Variants in SYT9 observed in about 807,000 individuals in gnomAD.
SYT9 encodes the protein synaptotagmin 9, also known as synaptotagmin-9.
A neutral mutation model predicts 48.4 loss-of-function variants in SYT9; 22 were observed. The ratio of observed to expected loss-of-function variants is 0.45; its 90% CI spans 0.32 to 0.65. The LOEUF (loss-of-function observed/expected upper bound fraction) is 0.65, where lower values mean the gene tolerates loss of function less well. SYT9 is among the 30% of genes least tolerant of loss of function. The pLI is 0.03. For synonymous variants in SYT9, 265 were observed against 245.0 expected (o/e 1.08, Z -0.76); for missense variants, 577 against 622.0 (o/e 0.93, Z 0.77).
chr11:7,252,440 G>T lies in SYT9; in HGVS notation c.145+109G>T. On this transcript the variant is annotated intron_variant, in intron 1 of 6. Coordinates refer to ENST00000318881, the MANE Select transcript of SYT9 (RefSeq NM_175733.4). This position sits in a 1 kb window ranked among gnomAD's most constrained non-coding sequence, Gnocchi z 6.3. ...CGACGCGGACTGGGAGAGGGCGGGG[G>T]GCGGCCACCGAGCCAGGAGAGTGAT... 8.2e-7 allele frequency: 1 copy of T among 1,214,894 alleles called. No individual in the cohort carries two copies. Among genetic ancestry groups the T allele is most frequent in the East Asian group, 3.2e-5 (1 of 31,432 alleles). 75.3% of individuals were successfully genotyped at this position (1,214,894 alleles called of 1,614,324 possible). A position where few individuals can be genotyped will look rare whatever the true frequency, so the allele number is the denominator to read the frequency against.
At chr11:7,268,406 G>C (rs752886802) in intron 1 of SYT9, among the ~76,000 whole-genome samples, 1 of 151,840 alleles carries the variant, frequency 6.6e-6, no homozygotes, top group African/African-American at 2.4e-5. Flanking sequence ...TACTTTGTGA[G>C]GCTAGTATCA....
At chr11:7,317,969 C>G (rs1348702774) in intron 3 of SYT9, among the ~76,000 whole-genome samples, 2 of 152,176 alleles carry the variant, frequency 1.3e-5, no homozygotes, top group African/African-American at 4.8e-5. Context: ...AATCACATTG[C>G]CAAGTTAAAC....
chr11:7,361,916 T>G (rs757831109), intron 3 of SYT9, among the ~76,000 whole-genome samples: 4 of 152,180 alleles, frequency 2.6e-5, no homozygotes, highest in Non-Finnish European at 5.9e-5. Context: ...TGCAATTTCA[T>G]TTTCAAATTT....
intron 3 of SYT9, among the ~76,000 whole-genome samples, chr11:7,385,340 CTG>C (rs66576884): frequency 0.36 from 53,238 of 146,218 alleles, 9,870 homozygotes; most frequent in Non-Finnish European, 0.43. Context: ...TTTGTTTGCT[CTG>C]TGTGTGTGTG....
At chr11:7,302,665 T>C (rs1314045242) in intron 1 of SYT9, among the ~76,000 whole-genome samples, 1 of 152,252 alleles carries the variant, frequency 6.6e-6, no homozygotes, top group Admixed American at 6.5e-5. Context: ...TTAAGGACAT[T>C]TGAAACTGCC....
intron 6 of SYT9, among the ~76,000 whole-genome samples, chr11:7,428,887 G>A (rs942520904): frequency 3.9e-5 from 6 of 152,128 alleles, no homozygotes; most frequent in Non-Finnish European, 8.8e-5. Flanking sequence ...GAGTCTTGGG[G>A]TGTAAACTGT....
intron 3 of SYT9, among the ~76,000 whole-genome samples, chr11:7,350,205 A>G (rs1291068814): frequency 6.6e-6 from 1 of 152,216 alleles, no homozygotes; most frequent in East Asian, 1.9e-4. Flanking sequence ...ACTTTCTAGA[A>G]GAACATTACA....
intron 1 of SYT9, among the ~76,000 whole-genome samples, chr11:7,283,830 C>G (rs970890388): frequency 6.6e-6 from 1 of 151,962 alleles, no homozygotes; most frequent in Non-Finnish European, 1.5e-5. Flanking sequence ...GTTAGGAACT[C>G]GAATGTGGAG....
chr11:7,393,294 G>GT (rs56387246), intron 3 of SYT9, among the ~76,000 whole-genome samples: 24,899 of 141,378 alleles, frequency 0.18, 2,437 homozygotes, highest in African/African-American at 0.26. Context: ...GTTTGTTGAG[G>GT]TTTTTTTTTT....
At chr11:7,428,803 A>C (rs1344750678) in intron 6 of SYT9, among the ~76,000 whole-genome samples, 1 of 152,122 alleles carries the variant, frequency 6.6e-6, no homozygotes, top group Non-Finnish European at 1.5e-5. Context: ...GACCTTGGTT[A>C]GGTTTGGATC....
At chr11:7,462,632 A>T (rs189291240) in intron 6 of SYT9, among the ~76,000 whole-genome samples, 6 of 152,254 alleles carry the variant, frequency 3.9e-5, no homozygotes, top group Non-Finnish European at 8.8e-5. Context: ...ATGAATCTTC[A>T]TATATTTGCA....
intron 3 of SYT9, among the ~76,000 whole-genome samples, chr11:7,326,405 G>C (rs1354557855): frequency 6.4e-5 from 7 of 108,744 alleles, no homozygotes; most frequent in Non-Finnish European, 1.3e-4. Context: ...TTGCGTAGAG[G>C]TGTTTGTAGT....
At chr11:7,386,989 T>G (rs550487649) in intron 3 of SYT9, among the ~76,000 whole-genome samples, 1 of 152,198 alleles carries the variant, frequency 6.6e-6, no homozygotes, top group Non-Finnish European at 1.5e-5. Context: ...TGAGTTCATG[T>G]CCTTTGTAGG....
chr11:7,332,369 A>G (rs987482597), intron 3 of SYT9, among the ~76,000 whole-genome samples: 4 of 152,222 alleles, frequency 2.6e-5, no homozygotes, highest in Admixed American at 1.3e-4. Flanking sequence ...TTTCCCAAGA[A>G]ATATAGAGCC....
intron 3 of SYT9, among the ~76,000 whole-genome samples, chr11:7,383,518 G>T (rs16925587): frequency 0.29 from 44,183 of 152,020 alleles, 7,365 homozygotes; most frequent in East Asian, 0.58. Context: ...AAGAAACAGG[G>T]ACTGGGCCAC....
Position 7,333,648 on chromosome 11 carries a change from T to C in SYT9, c.1044+19707T>C, listed in dbSNP as rs532944261. 1.2e-4 allele frequency among the ~76,000 whole-genome samples: 19 copies of C among 152,356 alleles called. No individual in the cohort carries two copies. The East Asian group carries it at 3.7e-3, about 29-fold the overall frequency. On this transcript the variant is annotated intron_variant, in intron 3 of 6. Transcript: ENST00000318881. ...AATGCTTACCAGTTTGAGACCTAAA[T>C]AGCTATAGGACAAGTACATATGGCT...
chr11:7,247,068 G>A (rs1010268095), upstream of SYT9, among the ~76,000 whole-genome samples: 3 of 152,176 alleles, frequency 2.0e-5, no homozygotes, highest in African/African-American at 7.2e-5. Flanking sequence ...ACATGGCAGA[G>A]AGAAAGCAAA....
chr11:7,263,316 C>T (rs1417993619), intron 1 of SYT9, among the ~76,000 whole-genome samples: 1 of 152,144 alleles, frequency 6.6e-6, no homozygotes, highest in Non-Finnish European at 1.5e-5. Flanking sequence ...CTCTCTGTGT[C>T]CTCACATGGT....
chr11:7,392,166 C>T (rs1202097141), intron 3 of SYT9, among the ~76,000 whole-genome samples: 3 of 152,038 alleles, frequency 2.0e-5, no homozygotes, highest in African/African-American at 7.2e-5. Context: ...AGGACTTAGT[C>T]ATACATTATT....
Sources: gnomAD v4.1 joint callset for allele counts (sites outside exome capture counted in the v4.1 genomes callset) on GRCh38, gnomAD v4.1.1 for gene constraint, Gnocchi (gnomAD v3.1) non-coding constraint, MANE v1.5 for transcripts, NCBI Gene and HGNC (gene_info 2026-07-23, HGNC 2026-07-21) for gene names.